Variants in PRRC1 observed in about 807,000 individuals in gnomAD.
The protein encoded by PRRC1 is protein PRRC1.
A neutral mutation model predicts 40.7 loss-of-function variants in PRRC1; 39 were observed. That is an observed-to-expected ratio of 0.96 (90% confidence interval 0.74 to 1.25). The LOEUF is 1.25. Ranked by LOEUF, PRRC1 falls within the 50% of genes most tolerant of loss-of-function variation. The probability of loss-of-function intolerance (pLI) is 0.00; values close to 1 mark genes in which losing one functional copy is unlikely to be tolerated. For synonymous variants in PRRC1, 175 were observed against 193.3 expected (o/e 0.91, Z 0.79); for missense variants, 573 against 548.3 (o/e 1.05, Z -0.45).
chr5:127,522,669 C>T (rs1250538751), intron 1 of PRRC1, among the ~76,000 whole-genome samples: 7 of 151,400 alleles, frequency 4.6e-5, no homozygotes, highest in East Asian at 1.9e-4. Flanking sequence ...AGGTTTACAG[C>T]GGTCAGCCAC....
chr5:127,536,390 A>G (rs1421800491), intron 6 of PRRC1, among the ~76,000 whole-genome samples: 1 of 152,140 alleles, frequency 6.6e-6, no homozygotes, highest in Non-Finnish European at 1.5e-5. Flanking sequence ...AACCATAAGC[A>G]TTCATACGGG....
chr5:127,530,144 C>A, intron 4 of PRRC1, 150 bp from the exon 5 acceptor site: 3 of 605,820 alleles, frequency 5.0e-6, no homozygotes, highest in Non-Finnish European at 8.5e-6. Context: ...AACTTAATAG[C>A]AATTTGATAT....
chr5:127,524,516 TCCA>T lies in PRRC1; in HGVS notation c.104-13_104-11del. The T allele has an allele frequency of 6.3e-7, 1 of 1,585,242 alleles. No homozygotes were observed. Among genetic ancestry groups the T allele is most frequent in the Non-Finnish European group, 8.6e-7 (1 of 1,163,632 alleles). ...TTTCTAATTCTGTGCTTTTATCCTC[TCCA>T]CTTTTTTCTAGCGGCAACCAGTTCT... On this transcript the variant is annotated splice_polypyrimidine_tract_variant and intron_variant, in intron 2 of 8. Transcript: ENST00000296666.
intron 8 of PRRC1, chr5:127,550,169 G>T (rs1179399442): frequency 6.6e-6 from 1 of 151,890 alleles, no homozygotes; most frequent in Non-Finnish European, 1.5e-5. Flanking sequence ...CTGAATAATG[G>T]TATTTAAAGG....
chr5:127,541,693 T>A (rs981764085), intron 7 of PRRC1, among the ~76,000 whole-genome samples: 2 of 151,910 alleles, frequency 1.3e-5, no homozygotes, highest in Admixed American at 6.5e-5. Context: ...TGATGGTAGT[T>A]TGTATTTCTG....
chr5:127,530,417 G>T, intron 5 of PRRC1, 21 bp downstream of exon 5: 1 of 1,565,264 alleles, frequency 6.4e-7, no homozygotes, highest in Non-Finnish European at 8.8e-7. Flanking sequence ...AAGTTAGACC[G>T]GTATCTGCCA....
rs556605 is a variant in PRRC1 at position 127,553,026 on chromosome 5, G to C, written c.*1110G>C. The C allele has an allele frequency of 0.26, 188,336 of 718,786 alleles. 25,307 individuals carry two copies. The highest frequency in any genetic ancestry group is 0.53 in the East Asian group (3,831 of 7,192). The allele number at this position is 718,786 out of a possible 1,614,324, so 44.5% of individuals were successfully genotyped here. On this transcript the variant is annotated 3_prime_UTR_variant, in exon 9 of 9. Coordinates refer to ENST00000296666, the MANE Select transcript of PRRC1 (RefSeq NM_130809.5). ...ATATCATTTTTGGACTTATATAAATGATAATTAAATAAATTTTTTTCTTAA... is the reference window on the plus strand; with the variant it reads ...ATATCATTTTTGGACTTATATAAATCATAATTAAATAAATTTTTTTCTTAA...
At position 127,554,109 on chromosome 5, in the gene PRRC1, A is replaced by C. The variant is rs1768464928; in HGVS notation, c.*2193A>C. On this transcript the variant is annotated 3_prime_UTR_variant, in exon 9 of 9. Transcript: ENST00000296666. Reference sequence around the variant, plus strand: ...GTAAAAGGGGCAAGAAAAGTAACTCATCATCTCTAACACACCATGGCAGCT... The same window carrying C: ...GTAAAAGGGGCAAGAAAAGTAACTCCTCATCTCTAACACACCATGGCAGCT... The C allele has an allele frequency of 2.0e-6, 1 of 491,384 alleles. No homozygotes were observed. Among genetic ancestry groups the C allele is most frequent in the Non-Finnish European group, 3.6e-6 (1 of 280,368 alleles). 30.4% of individuals were successfully genotyped at this position (491,384 alleles called of 1,614,324 possible). A position where few individuals can be genotyped will look rare whatever the true frequency, so the allele number is the denominator to read the frequency against.
chr5:127,535,154 T>C (rs1285249041), intron 6 of PRRC1, among the ~76,000 whole-genome samples: 1 of 152,240 alleles, frequency 6.6e-6, no homozygotes, highest in African/African-American at 2.4e-5. Flanking sequence ...CTTTGTTTTA[T>C]GCCTCTTTCT....
intron 6 of PRRC1, among the ~76,000 whole-genome samples, chr5:127,537,330 A>G (rs1767925423): frequency 6.6e-6 from 1 of 151,908 alleles, no homozygotes; most frequent in Non-Finnish European, 1.5e-5. Context: ...ATTGCTAAAA[A>G]ATAAAATCTC....
chr5:127,534,649 C>T (rs1380855517), intron 6 of PRRC1, among the ~76,000 whole-genome samples: 1 of 152,166 alleles, frequency 6.6e-6, no homozygotes, highest in Non-Finnish European at 1.5e-5. Context: ...CTCCTCTTCT[C>T]TCCAGTCTTC....
At chr5:127,526,908 A>G in intron 4 of PRRC1, 130 bp downstream of exon 4, 2 of 728,390 alleles carry the variant, frequency 2.7e-6, no homozygotes, top group African/African-American at 1.8e-5. Flanking sequence ...AGTTTTCTGT[A>G]GCTGCTCTCA....
At chr5:127,542,437 T>C (rs1240533602) in intron 7 of PRRC1, among the ~76,000 whole-genome samples, 1 of 152,134 alleles carries the variant, frequency 6.6e-6, no homozygotes, top group Non-Finnish European at 1.5e-5. Context: ...CTTGTTAACT[T>C]TCTGTCTCGT....
At chr5:127,544,529 C>T (rs566812816) in intron 7 of PRRC1, among the ~76,000 whole-genome samples, 17 of 152,366 alleles carry the variant, frequency 1.1e-4, no homozygotes, top group African/African-American at 3.1e-4. Flanking sequence ...GTGGTGGGCT[C>T]CACCCAGTTC....
rs1768431994 is a variant in PRRC1, at chr5:127,552,986, C to T, written c.*1070C>T. The T allele has an allele frequency of 5.0e-6, 4 of 797,858 alleles. No homozygotes were observed. In the African/African-American group the frequency reaches 5.6e-5, roughly 11 times the overall value. 49.4% of individuals were successfully genotyped at this position (797,858 alleles called of 1,614,324 possible). On this transcript the variant is annotated 3_prime_UTR_variant, in exon 9 of 9. Transcript: ENST00000296666. ...TTCTATTTCGTGGAAGCCTTTTCCC[C>T]TCAAATAATATATTATATCATTTTT...
chr5:127,529,166 T>C (rs1767700479), intron 4 of PRRC1, among the ~76,000 whole-genome samples: 2 of 152,092 alleles, frequency 1.3e-5, no homozygotes, highest in South Asian at 4.1e-4. Flanking sequence ...TTTGAAATCA[T>C]TCTGCCAAGT....
At chr5:127,548,076 T>C (rs1446439785) in intron 8 of PRRC1, 155 bp downstream of exon 8, 1 of 697,684 alleles carries the variant, frequency 1.4e-6, no homozygotes, top group Non-Finnish European at 2.6e-6. Context: ...TTTAATTTCC[T>C]GATCCTTCCA....
intron 6 of PRRC1, among the ~76,000 whole-genome samples, chr5:127,537,262 A>G (rs2127104589): frequency 6.6e-6 from 1 of 151,972 alleles, no homozygotes. Context: ...ATTGTTCTTC[A>G]GTTCTGAAAT....
rs188560747 is a variant in PRRC1 at position 127,529,703 on chromosome 5, T to C, written c.655-591T>C. Reference sequence around the variant, plus strand: ...TGGTTCCTTTTAGTAGTAACGGCTCTAAGAATCCAGAGGAATAGATCTGAA... The same window carrying C: ...TGGTTCCTTTTAGTAGTAACGGCTCCAAGAATCCAGAGGAATAGATCTGAA... On this transcript the variant is annotated intron_variant, in intron 4 of 8. Coordinates refer to ENST00000296666, the MANE Select transcript of PRRC1 (RefSeq NM_130809.5). Among the ~76,000 whole-genome samples, 505 of 152,204 alleles carry C rather than the reference T, an allele frequency of 3.3e-3. 2 individuals carry two copies. Among genetic ancestry groups the C allele is most frequent in the African/African-American group, 0.012 (490 of 41,530 alleles).
Sources: gnomAD v4.1 joint callset for allele counts (sites outside exome capture counted in the v4.1 genomes callset) on GRCh38, gnomAD v4.1.1 for gene constraint, MANE v1.5 for transcripts, NCBI Gene and HGNC (gene_info 2026-07-23, HGNC 2026-07-21) for gene names.